The following GDA variants were observed in gnomAD, a reference collection of about 807,000 sequenced individuals.
GDA encodes cytoplasmic PSD-95 interactor.
GDA carries 18 observed loss-of-function variants against 59.6 expected under a neutral mutation model. The ratio of observed to expected loss-of-function variants is 0.30; its 90% confidence interval spans 0.21 to 0.45. The LOEUF (loss-of-function observed/expected upper bound fraction) is 0.45. GDA is among the 20% of genes least tolerant of loss of function. The probability of loss-of-function intolerance (pLI) is 1.00; values close to 1 mark genes in which losing one functional copy is unlikely to be tolerated. For synonymous variants in GDA, 201 were observed against 201.1 expected (o/e 1.00, Z 0.00); for missense variants, 427 against 552.3 (o/e 0.77, Z 2.27).
At chr9:72,203,915 C>G (rs574264718) in intron 3 of GDA, among the ~76,000 whole-genome samples, 1 of 151,982 alleles carries the variant, frequency 6.6e-6, no homozygotes, top group South Asian at 2.1e-4. Flanking sequence ...TGCCCAGATT[C>G]AAGTGATTCT....
chr9:72,150,087 T>C (rs1291794382), intron 1 of GDA, among the ~76,000 whole-genome samples: 2 of 152,106 alleles, frequency 1.3e-5, no homozygotes, highest in Non-Finnish European at 2.9e-5. Flanking sequence ...TCTCCATAAA[T>C]GTGGTTGAAT....
At position 72,250,784 on chromosome 9, in the gene GDA, C is replaced by A. The variant is rs752353108; in HGVS notation, c.*2442C>A. 7.5e-6 allele frequency: 12 copies of A among 1,608,704 alleles called. No homozygotes were observed. The African/African-American group carries it at 1.2e-4, about 16-fold the overall frequency. On this transcript the variant is annotated 3_prime_UTR_variant, in exon 14 of 14. Transcript: ENST00000358399. ...AATTCACTTACCAGCCTCCTCACCC[C>A]ATCCTCCACCATTTCCTTAATGTTC...
chr9:72,254,973 G>T (rs767941459), downstream of GDA, among the ~76,000 whole-genome samples: 5 of 152,234 alleles, frequency 3.3e-5, no homozygotes, highest in Non-Finnish European at 5.9e-5. Context: ...CTGAAGCACA[G>T]CAACAGATAA....
upstream of GDA, among the ~76,000 whole-genome samples, chr9:72,147,226 T>G (rs1356531026): frequency 6.6e-6 from 1 of 152,368 alleles, no homozygotes; most frequent in East Asian, 1.9e-4. Flanking sequence ...TTTGTTTTTT[T>G]GAGACCGAGT....
At chr9:72,199,161 A>C (rs1024447310) in intron 2 of GDA, among the ~76,000 whole-genome samples, 1 of 152,074 alleles carries the variant, frequency 6.6e-6, no homozygotes, top group Admixed American at 6.6e-5. Flanking sequence ...GTCAAAAATA[A>C]ACTTGCAATC....
At chr9:72,128,676 C>T (rs1825928645) in intron 1 of GDA, among the ~76,000 whole-genome samples, 1 of 152,164 alleles carries the variant, frequency 6.6e-6, no homozygotes. Flanking sequence ...TGCCAGTCTT[C>T]AAGCCAGCAC....
At chr9:72,130,420 C>G (rs1825986079) in intron 1 of GDA, among the ~76,000 whole-genome samples, 1 of 152,140 alleles carries the variant, frequency 6.6e-6, no homozygotes, top group African/African-American at 2.4e-5. Context: ...GCTTGGCTTA[C>G]AAAAAAGTGA....
intron 5 of GDA, among the ~76,000 whole-genome samples, chr9:72,215,928 T>C (rs1836054579): frequency 6.6e-6 from 1 of 152,198 alleles, no homozygotes; most frequent in Non-Finnish European, 1.5e-5. Flanking sequence ...GCAGAGCAGG[T>C]TCACTGCACA....
At chr9:72,137,195 A>AATAC (rs1403364514) in intron 1 of GDA, among the ~76,000 whole-genome samples, 2 of 101,326 alleles carry the variant, frequency 2.0e-5, no homozygotes, top group African/African-American at 7.0e-5. Flanking sequence ...TTAAAAAATA[A>AATAC]ATAAATAAAT....
chr9:72,161,849 G>GA (rs1445614411), intron 1 of GDA, among the ~76,000 whole-genome samples: 1 of 152,196 alleles, frequency 6.6e-6, no homozygotes, highest in African/African-American at 2.4e-5. Flanking sequence ...GCTTTTAAAT[G>GA]AAAGAATGAA....
At chr9:72,205,709 C>A (rs906899353) in intron 3 of GDA, among the ~76,000 whole-genome samples, 1 of 152,310 alleles carries the variant, frequency 6.6e-6, no homozygotes, top group South Asian at 2.1e-4. Flanking sequence ...CTATTTGTTA[C>A]AAAAGCATAT....
At chr9:72,205,110 C>CAAAA (rs71357549) in intron 3 of GDA, among the ~76,000 whole-genome samples, 11 of 86,056 alleles carry the variant, frequency 1.3e-4, no homozygotes, top group East Asian at 3.5e-4. Flanking sequence ...GACTCTGTCT[C>CAAAA]AAAAAAAAAA....
chr9:72,239,262 A>G (rs1342726321), intron 10 of GDA, among the ~76,000 whole-genome samples: 2 of 152,174 alleles, frequency 1.3e-5, no homozygotes, highest in Non-Finnish European at 2.9e-5. Flanking sequence ...CAGTTATTTT[A>G]CTGACATAAC....
intron 1 of GDA, 59 bp from the exon 2 acceptor site, chr9:72,195,441 A>G (rs927705985): frequency 3.5e-5 from 23 of 663,118 alleles, no homozygotes; most frequent in Admixed American, 8.7e-5. Context: ...TTTAATAAAA[A>G]ACAAATGACT....
chr9:72,238,084 C>T (rs1839218697), intron 10 of GDA, among the ~76,000 whole-genome samples: 1 of 152,182 alleles, frequency 6.6e-6, no homozygotes, highest in African/African-American at 2.4e-5. Context: ...ACAAGGCCCA[C>T]AAAGCTCTGC....
intron 1 of GDA, among the ~76,000 whole-genome samples, chr9:72,141,861 A>T (rs560250331): frequency 6.6e-6 from 1 of 152,284 alleles, no homozygotes; most frequent in Non-Finnish European, 1.5e-5. Flanking sequence ...CACATTAGAG[A>T]TGTATAGATT....
intron 1 of GDA, among the ~76,000 whole-genome samples, chr9:72,135,608 T>A (rs1826192846): frequency 6.6e-6 from 1 of 152,064 alleles, no homozygotes; most frequent in South Asian, 2.1e-4. Flanking sequence ...AAAGTAGTAT[T>A]TCTGTCCTCG....
chr9:72,215,248 C>A (rs548113756), intron 5 of GDA, among the ~76,000 whole-genome samples: 2 of 152,038 alleles, frequency 1.3e-5, no homozygotes, highest in Admixed American at 6.5e-5. Context: ...AAGACTTTCA[C>A]TACAAAAGGA....
intron 1 of GDA, among the ~76,000 whole-genome samples, chr9:72,157,030 CTTTTTTTTTTTTTTTT>C (rs544126638): frequency 3.8e-5 from 4 of 104,074 alleles, no homozygotes; most frequent in South Asian, 5.9e-4. Context: ...TCTAGACTTC[CTTTTTTTTTTTTTTTT>C]TTTTTTTTTT....
Sources: gnomAD v4.1 joint callset for allele counts (sites outside exome capture counted in the v4.1 genomes callset) on GRCh38, gnomAD v4.1.1 for gene constraint, MANE v1.5 for transcripts, NCBI Gene and HGNC (gene_info 2026-07-23, HGNC 2026-07-21) for gene names.